The following LIMA1 variants were observed in gnomAD, a reference collection of about 807,000 sequenced individuals.
The protein encoded by LIMA1 is LIM domain and actin-binding protein 1.
A neutral mutation model predicts 62.6 loss-of-function variants in LIMA1; 52 were observed. That is an observed-to-expected ratio of 0.83 (90% CI 0.67 to 1.05). LIMA1 has a LOEUF of 1.05. LIMA1 is among the 50% of genes least tolerant of loss of function. The probability of loss-of-function intolerance (pLI) is 0.00; values close to 1 mark genes in which losing one functional copy is unlikely to be tolerated. For synonymous variants in LIMA1, 302 were observed against 317.8 expected (o/e 0.95, Z 0.53); for missense variants, 780 against 902.2 (o/e 0.86, Z 1.74).
chr12:50,231,828 T>C lies in LIMA1; in HGVS notation c.120-118A>G, dbSNP rs182914142. ...TATTGCCCAGGCTGCAGTGCAGTGG[T>C]GCGATCTCGGCTCACTGCAACTTCT... On this transcript the variant is annotated intron_variant, in intron 2 of 10. Transcript: ENST00000341247. The C allele has an allele frequency of 2.9e-5, 27 of 920,856 alleles. No individual in the cohort carries two copies. The African/African-American group carries it at 4.0e-4, about 14-fold the overall frequency. 57.0% of individuals were successfully genotyped at this position (920,856 alleles called of 1,614,324 possible). A position where few individuals can be genotyped will look rare whatever the true frequency, so the allele number is the denominator to read the frequency against.
At chr12:50,258,244 T>C (rs1041382081) in intron 1 of LIMA1, among the ~76,000 whole-genome samples, 4 of 152,124 alleles carry the variant, frequency 2.6e-5, no homozygotes, top group African/African-American at 4.8e-5. Context: ...GGCGTCTTAG[T>C]GGACAAAACC....
In LIMA1 at chr12:50,188,083, T is replaced by G. The variant is rs1215813839; in HGVS notation, c.1140+4369A>C. The stretch of plus-strand genomic sequence containing the variant: ...TAAGCTCTGTGGCCAGTGTTCAAAG[T>G]GTACAGAATCCTTAAAGACCTCTAT... On this transcript the variant is annotated intron_variant, in intron 9 of 10. Coordinates refer to ENST00000341247, the MANE Select transcript of LIMA1 (RefSeq NM_016357.5). 2.0e-5 allele frequency: 3 copies of G among 152,224 alleles called. No individual in the cohort carries two copies. The East Asian group carries it at 5.8e-4, about 29-fold the overall frequency. The allele number at this position is 152,224 out of a possible 1,614,324, so 9.4% of individuals were successfully genotyped here.
intron 2 of LIMA1, among the ~76,000 whole-genome samples, chr12:50,246,968 G>A (rs1434761674): frequency 6.6e-6 from 1 of 151,998 alleles, no homozygotes; most frequent in Non-Finnish European, 1.5e-5. Flanking sequence ...CAGAATATAG[G>A]ATGATTTTAA....
chr12:50,261,042 A>ATATATTTTTTTTTTT (rs1383547189), intron 1 of LIMA1, among the ~76,000 whole-genome samples: 16 of 54,294 alleles, frequency 2.9e-4, no homozygotes, highest in African/African-American at 5.7e-4. Flanking sequence ...CATCTAGTAT[A>ATATATTTTTTTTTTT]TTTTTTTTTT....
intron 2 of LIMA1, among the ~76,000 whole-genome samples, chr12:50,248,103 T>C (rs1941876273): frequency 6.6e-6 from 1 of 152,024 alleles, no homozygotes; most frequent in African/African-American, 2.4e-5. Context: ...TAAATGCAGC[T>C]GGTAAACATT....
chr12:50,240,048 T>TAA (rs1433591935), intron 2 of LIMA1, among the ~76,000 whole-genome samples: 1 of 148,206 alleles, frequency 6.7e-6, no homozygotes, highest in Non-Finnish European at 1.5e-5. Context: ...TAACATAACA[T>TAA]AACATAACAT....
intron 9 of LIMA1, chr12:50,185,578 T>A (rs1167041710): frequency 2.3e-6 from 1 of 431,172 alleles, no homozygotes; most frequent in Non-Finnish European, 4.7e-6. Context: ...TTTTTTTCCT[T>A]TTTAAGTAAC....
Position 50,275,853 on chromosome 12 carries a change from A to C in LIMA1, c.-24+7567T>G, listed in dbSNP as rs114017663. ...TCAGAGTGGGGGTGTGGGTGTCTTG[A>C]AGAGCATGTCAGAAAGCTAGACTGA... On this transcript the variant is annotated intron_variant, in intron 1 of 10. Transcript: ENST00000341247. 3.9e-3 allele frequency among the ~76,000 whole-genome samples: 590 copies of C among 152,214 alleles called. 7 individuals are homozygous for C. The highest frequency in any genetic ancestry group is 0.013 in the African/African-American group (548 of 41,530).
intron 2 of LIMA1, among the ~76,000 whole-genome samples, chr12:50,234,829 C>A (rs1014215737): frequency 1.1e-4 from 17 of 152,114 alleles, no homozygotes; most frequent in Non-Finnish European, 1.8e-4. Context: ...GACTGCGCAA[C>A]ACAGTAAAAC....
chr12:50,259,909 G>A (rs915924218), intron 1 of LIMA1, among the ~76,000 whole-genome samples: 2 of 152,100 alleles, frequency 1.3e-5, no homozygotes, highest in African/African-American at 4.8e-5. Context: ...CTAAGACCCA[G>A]AGCAAAAGCA....
chr12:50,187,135 A>T (rs1232613013), intron 9 of LIMA1: 1 of 152,196 alleles, frequency 6.6e-6, no homozygotes, highest in African/African-American at 2.4e-5. Flanking sequence ...CCCTCTGTTG[A>T]TTACCATCTA....
At chr12:50,227,876 G>A (rs1381989035) in intron 3 of LIMA1, among the ~76,000 whole-genome samples, 15 of 146,618 alleles carry the variant, frequency 1.0e-4, no homozygotes, top group East Asian at 1.0e-3. Flanking sequence ...TTTTTGAGAC[G>A]GAGTCTCGCT....
chr12:50,282,708 A>C (rs1942354736), intron 1 of LIMA1, among the ~76,000 whole-genome samples: 2 of 152,226 alleles, frequency 1.3e-5, no homozygotes, highest in East Asian at 3.8e-4. Flanking sequence ...AGACAATAGT[A>C]GTTCAAATAT....
chr12:50,248,708 GA>G lies in LIMA1; in HGVS notation c.43del (p.Ser15HisfsTer2). On this transcript the variant is annotated frameshift_variant, in exon 2 of 11. Coordinates refer to ENST00000341247, the MANE Select transcript of LIMA1 (RefSeq NM_016357.5). LOFTEE classifies it high-confidence loss of function. ...PFNRRQWTSL[S>X]LRVTAKELSL... ...AAGTTCTTTGGCTGTTACCCTCAAT[GA>G]TAGTGAGGTCCATTGCCGTCTATTA... 6.2e-7 allele frequency: 1 copy of G among 1,612,168 alleles called. No homozygotes were observed. The highest frequency in any genetic ancestry group is 8.5e-7 in the Non-Finnish European group (1 of 1,178,220).
chr12:50,204,307 G>T, intron 6 of LIMA1: 1 of 384,078 alleles, frequency 2.6e-6, no homozygotes, highest in Non-Finnish European at 4.6e-6. Context: ...AACTCTCAAT[G>T]ATACTCACTG....
chr12:50,232,043 CTTTTTTTTT>C (rs750844822), intron 2 of LIMA1, among the ~76,000 whole-genome samples: 2 of 83,452 alleles, frequency 2.4e-5, no homozygotes, highest in Non-Finnish European at 4.4e-5. Flanking sequence ...GAGTGCCCAG[CTTTTTTTTT>C]TTTTTTTTTT....
chr12:50,281,193 C>T lies in LIMA1; in HGVS notation c.-24+2227G>A, dbSNP rs528595394. On this transcript the variant is annotated intron_variant, in intron 1 of 10. Transcript: ENST00000341247. ...GTGTCTTTGATAAATTTTTTTGGTA[C>T]GAGGGCTCTAAGTTAATTGCAGTTA... Among the ~76,000 whole-genome samples the T allele has an allele frequency of 3.3e-5, 5 of 152,076 alleles. No homozygotes were observed. The East Asian group carries it at 5.8e-4, about 18-fold the overall frequency.
intron 3 of LIMA1, chr12:50,224,348 G>T (rs1941495135): frequency 6.6e-6 from 1 of 152,170 alleles, no homozygotes; most frequent in Non-Finnish European, 1.5e-5. Flanking sequence ...TGATTCTAGT[G>T]TTTAAATTTT....
intron 5 of LIMA1, among the ~76,000 whole-genome samples, chr12:50,205,206 T>C (rs764417955): frequency 6.6e-6 from 1 of 150,916 alleles, no homozygotes; most frequent in Non-Finnish European, 1.5e-5. Context: ...GTTTCCCAAG[T>C]AGCAGTGACT....
Sources: gnomAD v4.1 joint callset for allele counts (sites outside exome capture counted in the v4.1 genomes callset) on GRCh38, gnomAD v4.1.1 for gene constraint, MANE v1.5 for transcripts, NCBI Gene and HGNC (gene_info 2026-07-23, HGNC 2026-07-21) for gene names.